The following PREX1 variants were observed in gnomAD, a reference collection of about 807,000 sequenced individuals.
PREX1 encodes the protein phosphatidylinositol 3,4,5-trisphosphate-dependent Rac exchanger 1 protein.
A neutral mutation model predicts 198.3 loss-of-function variants in PREX1; 41 were observed. The ratio of observed to expected loss-of-function variants is 0.21; its 90% CI spans 0.16 to 0.27. The LOEUF (loss-of-function observed/expected upper bound fraction) is 0.27. Ranked by LOEUF, PREX1 falls within the 10% of genes least tolerant of loss-of-function variation. The probability of loss-of-function intolerance (pLI) is 1.00; values close to 1 mark genes in which losing one functional copy is unlikely to be tolerated. For synonymous variants in PREX1, 843 were observed against 887.2 expected (o/e 0.95, Z 0.89); for missense variants, 1,620 against 2,200.7 (o/e 0.74, Z 5.28).
At chr20:48,809,204 A>G (rs1195384983) in intron 1 of PREX1, among the ~76,000 whole-genome samples, 3 of 152,268 alleles carry the variant, frequency 2.0e-5, no homozygotes, top group African/African-American at 4.8e-5. Flanking sequence ...GAGGCAGGAT[A>G]GGAGCAAGGA....
chr20:48,859,787 G>A, the PREX1 span, among the ~76,000 whole-genome samples: 1 of 152,232 alleles, frequency 6.6e-6, no homozygotes, highest in Middle Eastern at 3.2e-3. Context: ...GGAGGCCGAG[G>A]TGGACAGACC....
At chr20:48,800,475 C>A (rs545653275) in intron 1 of PREX1, among the ~76,000 whole-genome samples, 6 of 152,320 alleles carry the variant, frequency 3.9e-5, no homozygotes, top group Admixed American at 3.9e-4. Flanking sequence ...CAGCAGCCAA[C>A]AATCCCTGGG....
chr20:48,728,232 A>G (rs2090018214), intron 4 of PREX1, among the ~76,000 whole-genome samples: 1 of 152,238 alleles, frequency 6.6e-6, no homozygotes, highest in Non-Finnish European at 1.5e-5. Flanking sequence ...TTCCCTGCTT[A>G]TATTCAAGTG....
At chr20:48,722,443 G>C (rs2089990454) in intron 5 of PREX1, among the ~76,000 whole-genome samples, 1 of 152,264 alleles carries the variant, frequency 6.6e-6, no homozygotes, top group Non-Finnish European at 1.5e-5. Context: ...GTGGTCGGCA[G>C]GGGCTGGAGG....
At chr20:48,803,742 C>A (rs1209738363) in intron 1 of PREX1, among the ~76,000 whole-genome samples, 2 of 152,188 alleles carry the variant, frequency 1.3e-5, no homozygotes, top group African/African-American at 4.8e-5. Flanking sequence ...CACTGACGAA[C>A]CTGTGACCCA....
At chr20:48,679,193 C>T (rs1178834502) in intron 13 of PREX1, among the ~76,000 whole-genome samples, 167 bp downstream of exon 13, 2 of 152,222 alleles carry the variant, frequency 1.3e-5, no homozygotes, top group African/African-American at 4.8e-5. Flanking sequence ...GTGCTTCCCA[C>T]AATTTAATTC....
chr20:48,674,952 T>C (rs758043549), intron 14 of PREX1, among the ~76,000 whole-genome samples: 3 of 152,230 alleles, frequency 2.0e-5, no homozygotes, highest in Admixed American at 6.5e-5. Context: ...CATCTTGTCC[T>C]AGTTTGCCCA....
chr20:48,726,667 T>C (rs1418302490), intron 4 of PREX1, among the ~76,000 whole-genome samples: 1 of 152,082 alleles, frequency 6.6e-6, no homozygotes, highest in Non-Finnish European at 1.5e-5. Flanking sequence ...CAGAGCTGAG[T>C]TGTTGGGGAA....
intron 32 of PREX1, among the ~76,000 whole-genome samples, chr20:48,636,157 T>C (rs1254951109): frequency 6.6e-6 from 1 of 152,154 alleles, no homozygotes; most frequent in Admixed American, 6.5e-5. Context: ...TTACCAAGTG[T>C]CCCCTAGTGG....
In PREX1 at chr20:48,742,699, T is replaced by C. The variant is rs147969051; in HGVS notation, c.414+2326A>G. Among the ~76,000 whole-genome samples, 263 of 152,012 alleles carry C rather than the reference T, an allele frequency of 1.7e-3. 1 individual carries two copies. The highest frequency in any genetic ancestry group is 6.1e-3 in the African/African-American group (251 of 41,430). On this transcript the variant is annotated intron_variant, in intron 3 of 39. Coordinates refer to ENST00000371941, the MANE Select transcript of PREX1 (RefSeq NM_020820.4). ...CAGAAGAGAGGACACGGAAAAGAGG[T>C]TGCTTCATGCACACTGAACTCCCCG...
intron 14 of PREX1, among the ~76,000 whole-genome samples, chr20:48,667,985 G>A (rs926204729): frequency 2.0e-5 from 3 of 152,168 alleles, no homozygotes; most frequent in African/African-American, 7.2e-5. Context: ...ATTTCCCGGT[G>A]CCAGTTCTTC....
intron 3 of PREX1, among the ~76,000 whole-genome samples, chr20:48,738,472 T>C (rs6066835): frequency 0.093 from 14,132 of 152,256 alleles, 735 homozygotes; most frequent in South Asian, 0.2. Context: ...CAATCACGCC[T>C]GTGTCCTTTC....
chr20:48,745,981 G>A (rs2090105903), intron 2 of PREX1, among the ~76,000 whole-genome samples: 1 of 152,118 alleles, frequency 6.6e-6, no homozygotes, highest in African/African-American at 2.4e-5. Context: ...TTGCCTCTCT[G>A]AGTCTTTTAT....
intron 14 of PREX1, among the ~76,000 whole-genome samples, chr20:48,670,277 G>A (rs1015808933): frequency 4.0e-5 from 6 of 148,672 alleles, no homozygotes; most frequent in South Asian, 4.3e-4. Context: ...CCTGACCCCC[G>A]CCTCTCCTAC....
intron 8 of PREX1, 125 bp downstream of exon 8, chr20:48,692,547 C>T: frequency 1.4e-6 from 1 of 735,628 alleles, no homozygotes; most frequent in Non-Finnish European, 2.2e-6. Context: ...ATGCTCTGGG[C>T]ACTTTTCTGT....
intron 16 of PREX1, among the ~76,000 whole-genome samples, chr20:48,659,453 G>A (rs957497519): frequency 3.9e-5 from 6 of 152,096 alleles, no homozygotes; most frequent in Non-Finnish European, 7.4e-5. Flanking sequence ...CATGAAATCA[G>A]AGGGAACAGC....
At chr20:48,711,708 GATCCTTTAATGGAAAAGTTT>G (rs1274397496) in intron 5 of PREX1, among the ~76,000 whole-genome samples, 28 of 152,202 alleles carry the variant, frequency 1.8e-4, no homozygotes, top group Non-Finnish European at 4.0e-4. Context: ...TTTACTATCT[GATCCTTTAATGGAAAAGTTT>G]GCTGGCCCTT....
intron 5 of PREX1, among the ~76,000 whole-genome samples, chr20:48,710,026 TG>T (rs990122995): frequency 8.5e-5 from 13 of 152,298 alleles, no homozygotes; most frequent in African/African-American, 3.1e-4. Context: ...CCAGGCAATG[TG>T]CCCAAAGGAT....
chr20:48,679,496 A>G, intron 12 of PREX1, 87 bp from the exon 13 acceptor site: 1 of 1,462,246 alleles, frequency 6.8e-7, no homozygotes, highest in Non-Finnish European at 9.5e-7. Context: ...GATGGCTTCC[A>G]GGACGGGGCA....
Sources: gnomAD v4.1 joint callset for allele counts (sites outside exome capture counted in the v4.1 genomes callset) on GRCh38, gnomAD v4.1.1 for gene constraint, MANE v1.5 for transcripts, NCBI Gene and HGNC (gene_info 2026-07-23, HGNC 2026-07-21) for gene names.